The following LEP variants were observed in gnomAD, a reference collection of about 807,000 sequenced individuals.
LEP encodes leptin (murine obesity homolog).
A neutral mutation model predicts 9.8 loss-of-function variants in LEP; 6 were observed. That is an observed-to-expected ratio of 0.61 (90% CI 0.34 to 1.21). The LOEUF is 1.21. Among genes scored for constraint, LEP ranks in the 50% most tolerant of loss-of-function variants. The pLI, the probability that LEP is intolerant of heterozygous loss-of-function variation, is 0.04. For missense variants in LEP, 134 were observed against 198.1 expected (o/e 0.68, Z 1.94); for synonymous variants, 112 against 81.7 (o/e 1.37, Z -2.00).
At chr7:128,253,203 C>T (rs1041715967) in intron 2 of LEP, among the ~76,000 whole-genome samples, 3 of 152,172 alleles carry the variant, frequency 2.0e-5, no homozygotes, top group African/African-American at 4.8e-5. Context: ...TCTAGATGTG[C>T]TTGTCATTAG....
rs140510728 is a variant in LEP, at chr7:128,254,463, C to G, written c.204C>G (p.Pro68=). The stretch of plus-strand genomic sequence containing the variant: ...TGGACTTCATTCCTGGGCTCCACCC[C>G]ATCCTGACCTTATCCAAGATGGACC... ...TGLDFIPGLH[P]ILTLSKMDQT... Residue 68 remains proline, a synonymous_variant, in exon 3 of 3, where the codon CCC becomes CCG. Transcript: ENST00000308868. 77 of 1,613,958 alleles carry G rather than the reference C, an allele frequency of 4.8e-5. No homozygotes were observed. In the African/African-American group the frequency reaches 8.3e-4, roughly 17 times the overall value.
chr7:128,253,289 A>C (rs970678305), intron 2 of LEP, among the ~76,000 whole-genome samples: 2 of 151,976 alleles, frequency 1.3e-5, no homozygotes, highest in African/African-American at 4.8e-5. Context: ...CCTTTTTCAC[A>C]TTCAACCCTC....
rs1798504498 is a variant in LEP, at chr7:128,254,881, T to C, written c.*118T>C. The C allele has an allele frequency of 5.2e-6, 6 of 1,151,932 alleles. No homozygotes were observed. Among genetic ancestry groups the C allele is most frequent in the South Asian group, 5.2e-5 (4 of 77,046 alleles). The allele number at this position is 1,151,932 out of a possible 1,614,324, so 71.4% of individuals were successfully genotyped here. ...ACCCCTTATCCAGGACTCTGTCAAT[T>C]TCCCTGACTCCTCTAAGCCACTCTT... On this transcript the variant is annotated 3_prime_UTR_variant, in exon 3 of 3. Coordinates refer to ENST00000308868, the MANE Select transcript of LEP (RefSeq NM_000230.3).
chr7:128,254,232 G>A (rs937814605), intron 2 of LEP, among the ~76,000 whole-genome samples, 172 bp from the exon 3 acceptor site: 1 of 152,176 alleles, frequency 6.6e-6, no homozygotes. Context: ...CCAGCTTAGA[G>A]GCTTGGCAGT....
At position 128,251,980 on chromosome 7, in the gene LEP, T is replaced by C; in HGVS notation, c.-28-11T>C. 6.2e-7 allele frequency: 1 copy of C among 1,612,618 alleles called. No individual in the cohort carries two copies. The highest frequency in any genetic ancestry group is 8.5e-7 in the Non-Finnish European group (1 of 1,178,642). ...CGGCTCCTTGCAGTGTGTGGTTCCTTCTGTTTTCAGGCCCAAGAAGCCCAT... is the reference window on the plus strand; with the variant it reads ...CGGCTCCTTGCAGTGTGTGGTTCCTCCTGTTTTCAGGCCCAAGAAGCCCAT... On this transcript the variant is annotated splice_polypyrimidine_tract_variant and intron_variant, in intron 1 of 2. Coordinates refer to ENST00000308868, the MANE Select transcript of LEP (RefSeq NM_000230.3).
rs191600447 is a variant in LEP at position 128,255,063 on chromosome 7, C to T, written c.*300C>T. ...GCCATCAACAAGAGTTGTCTTGTCC[C>T]CTCTTGACCCATCTCCCCCTCACTG... On this transcript the variant is annotated 3_prime_UTR_variant, in exon 3 of 3. Coordinates refer to ENST00000308868, the MANE Select transcript of LEP (RefSeq NM_000230.3). 1.4e-3 allele frequency: 588 copies of T among 419,952 alleles called. 3 individuals carry two copies. The highest frequency in any genetic ancestry group is 2.3e-3 in the Non-Finnish European group (511 of 222,990). 26.0% of individuals were successfully genotyped at this position (419,952 alleles called of 1,614,324 possible).
chr7:128,248,975 G>T (rs1178384058), intron 1 of LEP, among the ~76,000 whole-genome samples: 1 of 152,216 alleles, frequency 6.6e-6, no homozygotes, highest in Non-Finnish European at 1.5e-5. Context: ...AGTAATTGTG[G>T]TTTTTAAGAG....
intron 1 of LEP, among the ~76,000 whole-genome samples, chr7:128,251,780 TTA>T (rs1446252834): frequency 1.3e-5 from 2 of 152,228 alleles, no homozygotes; most frequent in African/African-American, 4.8e-5. Flanking sequence ...CATGGTGGTT[TTA>T]TTGACCAGAC....
Position 128,250,638 on chromosome 7 carries a change from A to G in LEP, c.-28-1353A>G, listed in dbSNP as rs1562931520. 2.0e-5 allele frequency among the ~76,000 whole-genome samples: 3 copies of G among 152,346 alleles called. No individual in the cohort carries two copies. In the South Asian group the frequency reaches 6.2e-4, roughly 32 times the overall value. ...ACATGGCTTTGATCAAACATTATAA[A>G]TAATATATAGACAGACTGCTTGTTT... On this transcript the variant is annotated intron_variant, in intron 1 of 2. Coordinates refer to ENST00000308868, the MANE Select transcript of LEP (RefSeq NM_000230.3).
At chr7:128,242,129 T>G (rs1422949276) in intron 1 of LEP, among the ~76,000 whole-genome samples, 1 of 152,184 alleles carries the variant, frequency 6.6e-6, no homozygotes, top group South Asian at 2.1e-4. Flanking sequence ...TTAAAGATAG[T>G]GGTGCTTTGG....
chr7:128,255,734 A>T lies in LEP; in HGVS notation c.*971A>T, dbSNP rs907451442. The T allele has an allele frequency of 6.6e-6, 1 of 152,160 alleles. No homozygotes were observed. Among genetic ancestry groups the T allele is most frequent in the African/African-American group, 2.4e-5 (1 of 41,446 alleles). The allele number at this position is 152,160 out of a possible 1,614,324, so 9.4% of individuals were successfully genotyped here. A position where few individuals can be genotyped will look rare whatever the true frequency, so the allele number is the denominator to read the frequency against. ...AATTGCTTAGGATGTTTTTCATGAA[A>T]ATAGCTCTTTCAGGGGGGTTGTGAG... On this transcript the variant is annotated 3_prime_UTR_variant, in exon 3 of 3. Coordinates refer to ENST00000308868, the MANE Select transcript of LEP (RefSeq NM_000230.3).
In LEP at chr7:128,256,987, G is replaced by A. The variant is rs28959472; in HGVS notation, c.*2224G>A. 7.1e-3 allele frequency: 1,082 copies of A among 152,584 alleles called. 7 individuals carry two copies. The highest frequency in any genetic ancestry group is 0.01 in the Middle Eastern group (3 of 296). The allele number at this position is 152,584 out of a possible 1,614,324, so 9.5% of individuals were successfully genotyped here. ...AAAAGTGTGAGCAGTGAGTTACAGC[G>A]AGAGGCAGAGAAAGAAGAGACAGGA... On this transcript the variant is annotated 3_prime_UTR_variant, in exon 3 of 3. Transcript: ENST00000308868.
chr7:128,244,738 G>A (rs1042700105), intron 1 of LEP, among the ~76,000 whole-genome samples: 1 of 152,204 alleles, frequency 6.6e-6, no homozygotes, highest in Non-Finnish European at 1.5e-5. Flanking sequence ...AGCACAGGCG[G>A]TGACCATACT....
intron 1 of LEP, among the ~76,000 whole-genome samples, chr7:128,249,634 T>G (rs1001992378): frequency 6.6e-6 from 1 of 152,190 alleles, no homozygotes; most frequent in African/African-American, 2.4e-5. Flanking sequence ...GAGTTTTCTA[T>G]GACTGGGGAA....
chr7:128,244,099 A>AAT (rs397960956), intron 1 of LEP, among the ~76,000 whole-genome samples: 14 of 151,052 alleles, frequency 9.3e-5, no homozygotes, highest in Non-Finnish European at 1.9e-4. Context: ...AAAAAAAAAA[A>AAT]GTAACTGGAT....
chr7:128,243,068 G>A (rs1403461144), intron 1 of LEP, among the ~76,000 whole-genome samples: 1 of 152,250 alleles, frequency 6.6e-6, no homozygotes, highest in East Asian at 1.9e-4. Context: ...AGTCGGCAGA[G>A]AGCCTTGAAA....
At chr7:128,246,169 G>C (rs1286778556) in intron 1 of LEP, among the ~76,000 whole-genome samples, 1 of 152,162 alleles carries the variant, frequency 6.6e-6, no homozygotes, top group Non-Finnish European at 1.5e-5. Flanking sequence ...CCAGGATGGA[G>C]GGTCTGCCTC....
intron 2 of LEP, among the ~76,000 whole-genome samples, 179 bp downstream of exon 2, chr7:128,252,341 T>A (rs1380618313): frequency 6.6e-6 from 1 of 152,218 alleles, no homozygotes; most frequent in Non-Finnish European, 1.5e-5. Flanking sequence ...TTGTTTCTTT[T>A]GGCCCCTCTG....
chr7:128,251,008 T>C (rs1795268693), intron 1 of LEP, among the ~76,000 whole-genome samples: 1 of 152,238 alleles, frequency 6.6e-6, no homozygotes, highest in African/African-American at 2.4e-5. Flanking sequence ...TCAAGCGTTC[T>C]GGGTGAATGT....
Sources: allele counts gnomAD v4.1 joint callset (sites outside exome capture counted in the v4.1 genomes callset), GRCh38; gene constraint gnomAD v4.1.1; transcripts MANE v1.5; gene names NCBI Gene and HGNC (gene_info 2026-07-23, HGNC 2026-07-21).